WIPF1: variants seen among roughly 807,000 people sequenced by gnomAD.
WIPF1 encodes WAS/WASL-interacting protein family member 1.
Under a neutral mutation model 35.4 loss-of-function variants are expected in WIPF1, and 13 were observed. The ratio of observed to expected loss-of-function variants is 0.37; its 90% CI spans 0.24 to 0.58. The LOEUF is 0.58. Ranked by LOEUF, WIPF1 falls within the 20% of genes least tolerant of loss-of-function variation. WIPF1 has a pLI of 0.74. For synonymous variants in WIPF1, 267 were observed against 266.3 expected (o/e 1.00, Z -0.02); for missense variants, 591 against 667.0 (o/e 0.89, Z 1.25).
At chr2:174,673,871 C>A (rs1449036416) in intron 1 of WIPF1, 1 of 150,672 alleles carries the variant, frequency 6.6e-6, no homozygotes, top group Non-Finnish European at 1.5e-5. Context: ...AGACATCAAG[C>A]ATTCACAGGG....
At chr2:174,666,793 A>G (rs1391969023) in intron 1 of WIPF1, among the ~76,000 whole-genome samples, 2 of 152,256 alleles carry the variant, frequency 1.3e-5, no homozygotes, top group Non-Finnish European at 2.9e-5. Flanking sequence ...ATGTGCCTCT[A>G]AAACTGCCAT....
At position 174,571,338 on chromosome 2, in the gene WIPF1, G is replaced by A. The variant is rs1684825446; in HGVS notation, c.1129+338C>T. On this transcript the variant is annotated intron_variant, in intron 5 of 7. Transcript: ENST00000679041. The surrounding 1 kb of genome is among the most constrained non-coding windows in gnomAD (Gnocchi z 4.6). ...ACTTATTTTCCCAATTAAGACCGCCGAAATTCTCTCTAGGGAGGCAGGGTA... is the reference window on the plus strand; with the variant it reads ...ACTTATTTTCCCAATTAAGACCGCCAAAATTCTCTCTAGGGAGGCAGGGTA... 1 of 524,450 alleles carries A rather than the reference G, an allele frequency of 1.9e-6. No homozygotes were observed. The allele number at this position is 524,450 out of a possible 1,614,324, so 32.5% of individuals were successfully genotyped here. A position where few individuals can be genotyped will look rare whatever the true frequency, so the allele number is the denominator to read the frequency against.
chr2:174,669,054 T>G (rs1231664777), intron 1 of WIPF1, among the ~76,000 whole-genome samples: 1 of 152,234 alleles, frequency 6.6e-6, no homozygotes, highest in Non-Finnish European at 1.5e-5. Flanking sequence ...ATTCAGAGCA[T>G]TTAGAATTTT....
intron 1 of WIPF1, among the ~76,000 whole-genome samples, chr2:174,612,254 C>G (rs1686370320): frequency 6.6e-6 from 1 of 152,138 alleles, no homozygotes; most frequent in African/African-American, 2.4e-5. Context: ...CTTAGAATTT[C>G]TTTCCAGTGT....
At chr2:174,593,916 G>A (rs755729397) in intron 1 of WIPF1, among the ~76,000 whole-genome samples, 2 of 152,142 alleles carry the variant, frequency 1.3e-5, no homozygotes, top group African/African-American at 4.8e-5. Flanking sequence ...ATACAAGAGG[G>A]GAAACAGAAA....
chr2:174,658,267 G>C (rs1054374263), intron 1 of WIPF1, among the ~76,000 whole-genome samples: 2 of 152,212 alleles, frequency 1.3e-5, no homozygotes, highest in African/African-American at 4.8e-5. Context: ...CACAAAAAAA[G>C]AGACCTATGC....
chr2:174,676,472 A>G (rs1284772367), intron 1 of WIPF1: 1 of 151,656 alleles, frequency 6.6e-6, no homozygotes, highest in East Asian at 1.9e-4. Context: ...CGTCCAGCTA[A>G]TTTTTGTATT....
intron 3 of WIPF1, 114 bp downstream of exon 3, chr2:174,581,196 G>T: frequency 6.9e-7 from 1 of 1,439,214 alleles, no homozygotes. Flanking sequence ...TGCTAGCTTT[G>T]CAGCTGTTGT....
intron 2 of WIPF1, among the ~76,000 whole-genome samples, chr2:174,583,972 G>A (rs1468863243): frequency 1.3e-5 from 2 of 152,016 alleles, no homozygotes; most frequent in East Asian, 3.9e-4. Flanking sequence ...AGCACGCACC[G>A]CCATGTCTGG....
At chr2:174,623,862 G>A (rs1432306860) in intron 1 of WIPF1, among the ~76,000 whole-genome samples, 1 of 152,160 alleles carries the variant, frequency 6.6e-6, no homozygotes, top group Non-Finnish European at 1.5e-5. Context: ...AATGAAATGT[G>A]TTAAATATTA....
intron 5 of WIPF1, chr2:174,568,752 T>A (rs996328955): frequency 6.6e-6 from 1 of 152,218 alleles, no homozygotes; most frequent in Non-Finnish European, 1.5e-5. Context: ...TGGTACCCTA[T>A]GGAACTTGGT....
At chr2:174,649,035 A>G (rs1034765698) in intron 1 of WIPF1, among the ~76,000 whole-genome samples, 1 of 152,214 alleles carries the variant, frequency 6.6e-6, no homozygotes, top group Admixed American at 6.5e-5. Context: ...GAAAGAAAGT[A>G]ATTTAAACAG....
intron 1 of WIPF1, among the ~76,000 whole-genome samples, chr2:174,606,398 T>C (rs926381218): frequency 6.6e-5 from 10 of 152,248 alleles, no homozygotes; most frequent in Non-Finnish European, 1.3e-4. Context: ...TATACTCTTT[T>C]TTTCACAAGA....
chr2:174,670,007 A>G (rs1256448151), intron 1 of WIPF1, among the ~76,000 whole-genome samples: 1 of 152,138 alleles, frequency 6.6e-6, no homozygotes, highest in African/African-American at 2.4e-5. Flanking sequence ...CAAGGGGAGG[A>G]GGGGAGGGCA....
At chr2:174,581,068 C>A in intron 3 of WIPF1, 1 of 327,738 alleles carries the variant, frequency 3.1e-6, no homozygotes, top group Non-Finnish European at 5.6e-6. Flanking sequence ...GTGAATAATG[C>A]AGAGAATTGC....
chr2:174,653,554 T>G, intron 1 of WIPF1, among the ~76,000 whole-genome samples: 1 of 151,026 alleles, frequency 6.6e-6, no homozygotes, highest in Middle Eastern at 3.5e-3. Context: ...GCTAACACGG[T>G]GAAACACCCA....
intron 1 of WIPF1, among the ~76,000 whole-genome samples, chr2:174,675,952 T>C (rs898348809): frequency 1.3e-5 from 2 of 148,778 alleles, no homozygotes; most frequent in Non-Finnish European, 3.0e-5. Context: ...ATTTTATTTA[T>C]TTATTTATTT....
chr2:174,610,142 G>A (rs1686299907), intron 1 of WIPF1, among the ~76,000 whole-genome samples: 1 of 152,166 alleles, frequency 6.6e-6, no homozygotes, highest in Admixed American at 6.5e-5. Context: ...TACCTTATCA[G>A]GCCACAGGAA....
At chr2:174,609,163 G>A (rs892272924) in intron 1 of WIPF1, among the ~76,000 whole-genome samples, 1 of 152,204 alleles carries the variant, frequency 6.6e-6, no homozygotes, top group African/African-American at 2.4e-5. Context: ...GATCTGCAAT[G>A]TACCACACTG....
Sources: gnomAD v4.1 joint callset for allele counts (sites outside exome capture counted in the v4.1 genomes callset) on GRCh38, gnomAD v4.1.1 for gene constraint, Gnocchi (gnomAD v3.1) non-coding constraint, MANE v1.5 for transcripts, NCBI Gene and HGNC (gene_info 2026-07-23, HGNC 2026-07-21) for gene names.